The following CUX2 variants were observed in gnomAD, a reference collection of about 807,000 sequenced individuals.
CUX2 encodes cut like homeobox 2.
A neutral mutation model predicts 144.8 loss-of-function variants in CUX2; 40 were observed. The observed-to-expected ratio is 0.28, with a 90% CI of 0.21 to 0.36. The LOEUF (loss-of-function observed/expected upper bound fraction) is 0.36. Among genes scored for constraint, CUX2 ranks in the 10% least tolerant of loss-of-function variants. The pLI is 1.00. For missense variants in CUX2, 1,615 were observed against 1,994.0 expected (o/e 0.81, Z 3.62); for synonymous variants, 827 against 875.6 (o/e 0.94, Z 0.98).
chr12:111,275,277 T>C (rs1247600773), intron 4 of CUX2, among the ~76,000 whole-genome samples: 1 of 152,218 alleles, frequency 6.6e-6, no homozygotes, highest in Non-Finnish European at 1.5e-5. Flanking sequence ...TGGATCCAAG[T>C]CTGCCACTCA....
chr12:111,065,091 G>C (rs1870964825), intron 1 of CUX2, among the ~76,000 whole-genome samples: 1 of 152,190 alleles, frequency 6.6e-6, no homozygotes, highest in African/African-American at 2.4e-5. Flanking sequence ...ATTTTGGATT[G>C]AGAGGTCATC....
At chr12:111,076,576 C>T (rs949717078) in intron 1 of CUX2, among the ~76,000 whole-genome samples, 3 of 152,238 alleles carry the variant, frequency 2.0e-5, no homozygotes. Context: ...CCAGTGGGAG[C>T]TTCTGTGCTC....
At chr12:111,224,991 C>T (rs555193585) in intron 3 of CUX2, among the ~76,000 whole-genome samples, 1 of 152,242 alleles carries the variant, frequency 6.6e-6, no homozygotes, top group East Asian at 1.9e-4. Flanking sequence ...CTGCAACCTC[C>T]GCCTCCCAGG....
intron 3 of CUX2, among the ~76,000 whole-genome samples, chr12:111,249,516 G>GCA (rs1883466481): frequency 6.8e-6 from 1 of 147,508 alleles, no homozygotes; most frequent in Admixed American, 6.9e-5. Flanking sequence ...GAGTGCAGTG[G>GCA]CATAATCTCG....
chr12:111,313,230 T>G (rs1334765602), intron 16 of CUX2, among the ~76,000 whole-genome samples: 3 of 147,226 alleles, frequency 2.0e-5, no homozygotes, highest in Admixed American at 1.4e-4. Context: ...CCTGGCTAAT[T>G]TTTTTTTTTT....
chr12:111,050,168 C>T (rs775611089), intron 1 of CUX2, among the ~76,000 whole-genome samples: 1 of 151,990 alleles, frequency 6.6e-6, no homozygotes, highest in Non-Finnish European at 1.5e-5. Context: ...CCCACAGAGC[C>T]CCCTCTTGGC....
intron 1 of CUX2, among the ~76,000 whole-genome samples, chr12:111,052,379 C>T (rs1870314316): frequency 6.6e-6 from 1 of 151,918 alleles, no homozygotes; most frequent in African/African-American, 2.4e-5. Context: ...CAGCTTGTCC[C>T]CAGAACTGAG....
chr12:111,107,529 T>C (rs943374703), intron 1 of CUX2, among the ~76,000 whole-genome samples: 4 of 152,278 alleles, frequency 2.6e-5, no homozygotes, highest in Admixed American at 1.3e-4. Flanking sequence ...GGCCCAGTGC[T>C]GCAGTTCCCA....
intron 1 of CUX2, among the ~76,000 whole-genome samples, chr12:111,104,843 C>T (rs1420453859): frequency 1.3e-5 from 2 of 152,170 alleles, no homozygotes; most frequent in African/African-American, 4.8e-5. Context: ...GACCTTGACG[C>T]CTTTCAGGAC....
intron 1 of CUX2, among the ~76,000 whole-genome samples, chr12:111,080,041 C>T (rs1871785779): frequency 6.6e-6 from 1 of 152,220 alleles, no homozygotes; most frequent in Non-Finnish European, 1.5e-5. Flanking sequence ...CTCTGGGCCT[C>T]AATTTCTCAT....
chr12:111,326,325 G>T (rs183532443), intron 18 of CUX2, among the ~76,000 whole-genome samples: 1 of 43,814 alleles, frequency 2.3e-5, no homozygotes, highest in Non-Finnish European at 3.5e-5. Context: ...GGGGAGGGGT[G>T]GGTTTTGTTT....
Position 111,295,464 on chromosome 12 carries a change from T to G in CUX2, c.637+55T>G. ...GAGGACTGGGAGGGGACGGTAATGC[T>G]GTCAACGAGGGGTCACGGCTTGGGG... On this transcript the variant is annotated intron_variant, in intron 7 of 21. Transcript: ENST00000261726. The surrounding 1 kb of genome is among the most constrained non-coding windows in gnomAD (Gnocchi z 5.0). 6.6e-7 allele frequency: 1 copy of G among 1,511,156 alleles called. No homozygotes were observed. The highest frequency in any genetic ancestry group is 9.1e-7 in the Non-Finnish European group (1 of 1,103,572). The allele number at this position is 1,511,156 out of a possible 1,614,324, so 93.6% of individuals were successfully genotyped here. A position where few individuals can be genotyped will look rare whatever the true frequency, so the allele number is the denominator to read the frequency against.
chr12:111,070,184 C>A (rs1343984204), intron 1 of CUX2, among the ~76,000 whole-genome samples: 1 of 152,136 alleles, frequency 6.6e-6, no homozygotes, highest in Non-Finnish European at 1.5e-5. Flanking sequence ...TCTCAGATAT[C>A]CAGGGAGTGG....
rs950623562 is a variant in CUX2 at position 111,034,583 on chromosome 12, G to A, written c.63+343G>A. ...AGGGGGCTGCTGGCGGGAACCCCCG[G>A]CGGTCCCCCCTGAGCCGCACTTTGC... On this transcript the variant is annotated intron_variant, in intron 1 of 21. Transcript: ENST00000261726. The surrounding 1 kb of genome is among the most constrained non-coding windows in gnomAD (Gnocchi z 4.2). 6.6e-6 allele frequency among the ~76,000 whole-genome samples: 1 copy of A among 151,276 alleles called. No homozygotes were observed. Among genetic ancestry groups the A allele is most frequent in the Non-Finnish European group, 1.5e-5 (1 of 67,730 alleles).
At chr12:111,087,244 T>C (rs996023628) in intron 1 of CUX2, among the ~76,000 whole-genome samples, 7 of 151,416 alleles carry the variant, frequency 4.6e-5, no homozygotes, top group African/African-American at 1.7e-4. Context: ...GGCGGGCACC[T>C]GTAATCCCAG....
chr12:111,138,389 G>A (rs555881243), intron 1 of CUX2, among the ~76,000 whole-genome samples: 47 of 152,232 alleles, frequency 3.1e-4, no homozygotes, highest in African/African-American at 1.1e-3. Flanking sequence ...GAGGGGTAGG[G>A]GTGGAGGAGA....
At chr12:111,328,580 T>TTGTGTGTG (rs568983449) in intron 18 of CUX2, among the ~76,000 whole-genome samples, 9,060 of 135,716 alleles carry the variant, frequency 0.067, 359 homozygotes, top group South Asian at 0.097. Flanking sequence ...CCAATTTCTT[T>TTGTGTGTG]TGTGTGTGTG....
chr12:111,133,730 G>A (rs1875661498), intron 1 of CUX2, among the ~76,000 whole-genome samples: 1 of 152,180 alleles, frequency 6.6e-6, no homozygotes, highest in South Asian at 2.1e-4. Context: ...GGGGTCTTTA[G>A]GAGACTTAGG....
At chr12:111,125,041 C>A (rs1178883056) in intron 1 of CUX2, among the ~76,000 whole-genome samples, 1 of 152,150 alleles carries the variant, frequency 6.6e-6, no homozygotes, top group Non-Finnish European at 1.5e-5. Context: ...CGGAGAAGAA[C>A]CTTTGCTTCT....
Sources: allele counts gnomAD v4.1 joint callset (sites outside exome capture counted in the v4.1 genomes callset), GRCh38; gene constraint gnomAD v4.1.1; non-coding constraint Gnocchi (gnomAD v3.1); transcripts MANE v1.5; gene names NCBI Gene and HGNC (gene_info 2026-07-23, HGNC 2026-07-21).